The following DAG1 variants were observed in gnomAD, a reference collection of about 807,000 sequenced individuals.
The protein encoded by DAG1 is dystroglycan 1 (dystrophin-associated glycoprotein 1).
In DAG1, 8 loss-of-function variants were observed where a neutral mutation model predicts 46.1. The ratio of observed to expected loss-of-function variants is 0.17; its 90% confidence interval spans 0.10 to 0.31. The LOEUF (loss-of-function observed/expected upper bound fraction) is 0.31, where lower values mean the gene tolerates loss of function less well. DAG1 is among the 10% of genes least tolerant of loss of function. The probability of loss-of-function intolerance (pLI) is 1.00; values close to 1 mark genes in which losing one functional copy is unlikely to be tolerated. For synonymous variants in DAG1, 495 were observed against 481.8 expected (o/e 1.03, Z -0.36); for missense variants, 1,003 against 1,189.9 (o/e 0.84, Z 2.31).
At chr3:49,502,351 C>T (rs2050475490) in intron 1 of DAG1, among the ~76,000 whole-genome samples, 1 of 152,214 alleles carries the variant, frequency 6.6e-6, no homozygotes, top group South Asian at 2.1e-4. Flanking sequence ...GCTCCTCCAT[C>T]TATGTACATG....
intron 1 of DAG1, among the ~76,000 whole-genome samples, chr3:49,501,237 A>G (rs889522179): frequency 6.6e-6 from 1 of 152,156 alleles, no homozygotes; most frequent in African/African-American, 2.4e-5. Flanking sequence ...GTGTCTCATA[A>G]CTGACTGTTT....
chr3:49,479,456 C>T (rs2049798222), intron 1 of DAG1, among the ~76,000 whole-genome samples: 1 of 150,272 alleles, frequency 6.7e-6, no homozygotes, highest in East Asian at 2.0e-4. Flanking sequence ...ACGACAAGTG[C>T]GTGCCACCAC....
At chr3:49,490,522 A>G (rs915502206) in intron 1 of DAG1, among the ~76,000 whole-genome samples, 3 of 151,268 alleles carry the variant, frequency 2.0e-5, no homozygotes, top group Non-Finnish European at 2.9e-5. Flanking sequence ...TGAACCATCT[A>G]TGAGTAATTG....
upstream of DAG1, among the ~76,000 whole-genome samples, chr3:49,469,450 T>A (rs1384851334): frequency 6.6e-6 from 1 of 152,166 alleles, no homozygotes; most frequent in Admixed American, 6.6e-5. Flanking sequence ...CCCTTGAATG[T>A]TCCAGGCAGC....
Position 49,532,630 on chromosome 3 carries a change from G to A in DAG1, c.2119G>A (p.Val707Met). ...EPDFKATSIT[V>M]TGSGSCRHLQ... is the part of the protein sequence containing the mutation. ...TGACTTTAAGGCCACAAGCATCACT[G>A]TGACGGGCTCTGGCAGTTGTCGGCA... is the stretch of plus-strand genomic sequence containing the variant. The change falls in exon 3 of 3, where the codon GTG becomes ATG. Residue 707 changes from valine (V) to methionine (M), a missense_variant. Val to Met is a conservative substitution (Grantham distance 21). This residue lies in a region of DAG1 where 755 missense variants were observed against 854.1 expected (regional missense o/e 0.88). Transcript: ENST00000308775. This position sits in a 1 kb window ranked among gnomAD's most constrained non-coding sequence, Gnocchi z 5.4. 1 of 1,613,900 alleles carries A rather than the reference G, an allele frequency of 6.2e-7. No homozygotes were observed.
At chr3:49,517,826 A>C (rs779176222) in intron 2 of DAG1, among the ~76,000 whole-genome samples, 8 of 152,214 alleles carry the variant, frequency 5.3e-5, no homozygotes, top group Non-Finnish European at 4.4e-5. Context: ...AAGGCTTGCT[A>C]TGTGATAAAG....
At position 49,531,460 on chromosome 3, in the gene DAG1, A is replaced by C; in HGVS notation, c.949A>C (p.Thr317Pro). The change falls in exon 3 of 3, where the codon ACA (threonine) becomes CCA (proline). Residue 317 changes from threonine to proline, a missense_variant. Around this residue, in one of 3 missense-constraint regions of DAG1, gnomAD observed 755 missense variants for 854.1 expected, o/e 0.88. Coordinates refer to ENST00000308775, the MANE Select transcript of DAG1 (RefSeq NM_004393.6). This position sits in a 1 kb window ranked among gnomAD's most constrained non-coding sequence, Gnocchi z 7.0. ...ACGCGTCCGGAGGCAGATCCATGCT[A>C]CACCCACACCTGTCACTGCCATTGG... ...PKRVRRQIHA[T>P]PTPVTAIGPP... The C allele has an allele frequency of 6.2e-7, 1 of 1,613,806 alleles. No homozygotes were observed. The highest frequency in any genetic ancestry group is 8.5e-7 in the Non-Finnish European group (1 of 1,179,920).
chr3:49,512,275 T>C (rs1559565654), intron 2 of DAG1, among the ~76,000 whole-genome samples: 1 of 152,170 alleles, frequency 6.6e-6, no homozygotes, highest in Non-Finnish European at 1.5e-5. Flanking sequence ...CAATCTTGGC[T>C]CACTGCAACC....
chr3:49,509,977 C>T (rs1231917603), intron 1 of DAG1, among the ~76,000 whole-genome samples: 7 of 152,186 alleles, frequency 4.6e-5, no homozygotes, highest in Non-Finnish European at 1.5e-5. Context: ...CATCCACCCA[C>T]CCTAGTCTCC....
At chr3:49,503,074 T>C (rs894989484) in intron 1 of DAG1, among the ~76,000 whole-genome samples, 9 of 152,344 alleles carry the variant, frequency 5.9e-5, no homozygotes, top group African/African-American at 2.2e-4. Context: ...AACTTTCCAG[T>C]GTTGCAGTGA....
At chr3:49,478,974 G>A (rs1559546991) in intron 1 of DAG1, among the ~76,000 whole-genome samples, 3 of 151,216 alleles carry the variant, frequency 2.0e-5, no homozygotes, top group Admixed American at 6.6e-5. Flanking sequence ...CCATCACGCC[G>A]AGCTAAGTTT....
intron 2 of DAG1, among the ~76,000 whole-genome samples, chr3:49,524,255 G>A (rs1021659697): frequency 1.8e-4 from 27 of 152,192 alleles, no homozygotes; most frequent in Non-Finnish European, 4.0e-4. Context: ...CTTCAGGCAT[G>A]TTCAGACTTT....
At chr3:49,489,287 T>C (rs2050119634) in intron 1 of DAG1, among the ~76,000 whole-genome samples, 1 of 152,142 alleles carries the variant, frequency 6.6e-6, no homozygotes, top group African/African-American at 2.4e-5. Flanking sequence ...AAAAGGGGTT[T>C]CTCCATGTTG....
At chr3:49,492,221 C>T (rs780017177) in intron 1 of DAG1, among the ~76,000 whole-genome samples, 8 of 152,214 alleles carry the variant, frequency 5.3e-5, no homozygotes, top group Non-Finnish European at 7.3e-5. Flanking sequence ...CACCGTACCC[C>T]GCCTGGCTCC....
rs774419205 is a variant in DAG1, at chr3:49,530,914, G to T, written c.403G>T (p.Ala135Ser). 6.8e-6 allele frequency: 11 copies of T among 1,613,960 alleles called. No individual in the cohort carries two copies. The highest frequency in any genetic ancestry group is 9.3e-6 in the Non-Finnish European group (11 of 1,180,008). The change falls in exon 3 of 3, where the codon GCT becomes TCT. Residue 135 changes from alanine to serine, a missense_variant. Coordinates refer to ENST00000308775, the MANE Select transcript of DAG1 (RefSeq NM_004393.6). ...DKGVHYISVS[A>S]TRLGANGSHI... is the part of the protein sequence containing the mutation. ...GGGTGTGCATTACATTTCAGTGAGC[G>T]CTACACGGCTGGGGGCCAACGGGAG...
At chr3:49,517,246 G>T (rs1328600466) in intron 2 of DAG1, among the ~76,000 whole-genome samples, 1 of 151,892 alleles carries the variant, frequency 6.6e-6, no homozygotes, top group Non-Finnish European at 1.5e-5. Flanking sequence ...GCCCGCCTCG[G>T]CCTCCCAAAG....
At chr3:49,511,798 A>G (rs1045287392) in intron 2 of DAG1, among the ~76,000 whole-genome samples, 1 of 152,206 alleles carries the variant, frequency 6.6e-6, no homozygotes, top group African/African-American at 2.4e-5. Context: ...GCAGGCATGC[A>G]CCACTGCACC....
intron 1 of DAG1, among the ~76,000 whole-genome samples, chr3:49,478,479 C>T (rs752105242): frequency 6.8e-6 from 1 of 146,256 alleles, no homozygotes; most frequent in Admixed American, 6.9e-5. Flanking sequence ...GTGGCACGTT[C>T]CCTAGGTACT....
At chr3:49,486,660 G>T (rs2050037946) in intron 1 of DAG1, among the ~76,000 whole-genome samples, 1 of 151,714 alleles carries the variant, frequency 6.6e-6, no homozygotes, top group Non-Finnish European at 1.5e-5. Context: ...GCATCACCAC[G>T]CCTGGCTAAT....
Sources: gnomAD v4.1 joint callset for allele counts (sites outside exome capture counted in the v4.1 genomes callset) on GRCh38, gnomAD v4.1.1 for gene constraint, gnomAD v4.1.1 regional missense constraint, Gnocchi (gnomAD v3.1) non-coding constraint, MANE v1.5 for transcripts, NCBI Gene and HGNC (gene_info 2026-07-23, HGNC 2026-07-21) for gene names.